The following CNTN5 variants were observed in gnomAD, a reference collection of about 807,000 sequenced individuals.
CNTN5 encodes contactin 5, also known as contactin-5.
In CNTN5, 77 loss-of-function variants were observed where a neutral mutation model predicts 129.1. The ratio of observed to expected loss-of-function variants is 0.60; its 90% CI spans 0.50 to 0.72. The LOEUF (loss-of-function observed/expected upper bound fraction) is 0.72, where lower values mean the gene tolerates loss of function less well. CNTN5 is among the 30% of genes least tolerant of loss of function. CNTN5 has a pLI of 0.00. For missense variants in CNTN5, 1,478 were observed against 1,328.8 expected (o/e 1.11, Z -1.75); for synonymous variants, 509 against 465.6 (o/e 1.09, Z -1.20).
intron 18 of CNTN5, among the ~76,000 whole-genome samples, chr11:100,291,223 A>G (rs1386123060): frequency 6.6e-6 from 1 of 150,934 alleles, no homozygotes; most frequent in East Asian, 2.0e-4. Flanking sequence ...ATCTAGAACT[A>G]GAAATACCAT....
intron 3 of CNTN5, among the ~76,000 whole-genome samples, chr11:99,568,227 T>C (rs4754632): frequency 1.3e-5 from 2 of 152,120 alleles, no homozygotes; most frequent in African/African-American, 4.8e-5. Context: ...GGACTAACCC[T>C]TTCTGGCAAG....
chr11:100,141,176 T>C (rs946473643), intron 13 of CNTN5, among the ~76,000 whole-genome samples: 1 of 151,520 alleles, frequency 6.6e-6, no homozygotes, highest in Admixed American at 6.6e-5. Flanking sequence ...GAATTCGGAG[T>C]CTAAAAAGGC....
intron 13 of CNTN5, among the ~76,000 whole-genome samples, chr11:100,133,353 G>T (rs1226812347): frequency 6.6e-6 from 1 of 152,014 alleles, no homozygotes; most frequent in Non-Finnish European, 1.5e-5. Flanking sequence ...CTGGCTAATG[G>T]GATTCATTTT....
At chr11:100,211,206 T>G (rs1284851958) in intron 15 of CNTN5, among the ~76,000 whole-genome samples, 1 of 152,152 alleles carries the variant, frequency 6.6e-6, no homozygotes, top group Non-Finnish European at 1.5e-5. Flanking sequence ...TGGTGGGTGA[T>G]GCCCACCAGT....
chr11:99,665,085 A>C (rs916247144), intron 3 of CNTN5, among the ~76,000 whole-genome samples: 3 of 152,204 alleles, frequency 2.0e-5, no homozygotes, highest in East Asian at 1.9e-4. Context: ...ATAGTTCGCT[A>C]TAAGAAGGAT....
chr11:99,663,683 C>A (rs753077610), intron 3 of CNTN5, among the ~76,000 whole-genome samples: 1 of 152,210 alleles, frequency 6.6e-6, no homozygotes, highest in African/African-American at 2.4e-5. Flanking sequence ...GGTTCTATAA[C>A]GAGCTCTTAC....
At chr11:99,277,348 A>T (rs1031574041) in intron 1 of CNTN5, among the ~76,000 whole-genome samples, 1 of 151,498 alleles carries the variant, frequency 6.6e-6, no homozygotes, top group Non-Finnish European at 1.5e-5. Context: ...ATCATTTCTC[A>T]GTTTGATGTC....
At chr11:99,701,171 T>C (rs1954502165) in intron 3 of CNTN5, among the ~76,000 whole-genome samples, 1 of 151,276 alleles carries the variant, frequency 6.6e-6, no homozygotes, top group South Asian at 2.1e-4. Context: ...CTTGTTCTTC[T>C]TCTTCAGTAG....
rs577290644 is a variant in CNTN5 at position 100,165,748 on chromosome 11, C to T, written c.1581-25378C>T. Among the ~76,000 whole-genome samples, 7 of 151,782 alleles carry T rather than the reference C, an allele frequency of 4.6e-5. No individual in the cohort carries two copies. In the South Asian group the frequency reaches 1.5e-3, roughly 31 times the overall value. ...TCTACAGTGCCATTAGGAATGATACCTAATGTTTATTTGATGCTTGTTTGG... is the reference window on the plus strand; with the variant it reads ...TCTACAGTGCCATTAGGAATGATACTTAATGTTTATTTGATGCTTGTTTGG... On this transcript the variant is annotated intron_variant, in intron 13 of 24. Transcript: ENST00000524871.
chr11:99,887,691 A>C (rs1230633738), intron 6 of CNTN5, among the ~76,000 whole-genome samples: 1 of 152,254 alleles, frequency 6.6e-6, no homozygotes, highest in Non-Finnish European at 1.5e-5. Flanking sequence ...CTGGCAAATC[A>C]CTGGTGTAAG....
chr11:100,149,346 A>ATTAAG (rs1295701840), intron 13 of CNTN5, among the ~76,000 whole-genome samples: 2 of 152,176 alleles, frequency 1.3e-5, no homozygotes, highest in Non-Finnish European at 2.9e-5. Flanking sequence ...TTAAATATCA[A>ATTAAG]TTAAGTTTAT....
chr11:100,215,646 C>A (rs1353926859), intron 15 of CNTN5, among the ~76,000 whole-genome samples: 1 of 151,844 alleles, frequency 6.6e-6, no homozygotes, highest in African/African-American at 2.4e-5. Context: ...ATAATGGAAA[C>A]AGGAAAGAAT....
intron 13 of CNTN5, among the ~76,000 whole-genome samples, chr11:100,092,129 G>A (rs1474237725): frequency 6.6e-6 from 1 of 152,010 alleles, no homozygotes; most frequent in East Asian, 1.9e-4. Flanking sequence ...AATTGAATCA[G>A]AAGGTTGTAA....
chr11:99,919,156 G>T (rs7952312), intron 7 of CNTN5, among the ~76,000 whole-genome samples: 77,492 of 151,982 alleles, frequency 0.51, 20,477 homozygotes, highest in African/African-American at 0.66. Flanking sequence ...GAGAAATCCT[G>T]TCTTTACGTG....
chr11:99,139,533 A>T (rs1859410774), intron 1 of CNTN5, among the ~76,000 whole-genome samples: 1 of 152,250 alleles, frequency 6.6e-6, no homozygotes, highest in Non-Finnish European at 1.5e-5. Context: ...CGAGCCGTTC[A>T]TTAAACATTA....
At chr11:99,797,622 C>CT (rs1945986273) in intron 3 of CNTN5, among the ~76,000 whole-genome samples, 2 of 151,890 alleles carry the variant, frequency 1.3e-5, no homozygotes, top group Non-Finnish European at 2.9e-5. Flanking sequence ...TTGTAATGGG[C>CT]TTATTTGTTT....
At chr11:99,463,437 C>CAAAA (rs1378225524) in intron 2 of CNTN5, among the ~76,000 whole-genome samples, 8 of 6,402 alleles carry the variant, frequency 1.2e-3, no homozygotes, top group African/African-American at 1.9e-3. Flanking sequence ...GACTCTGTCT[C>CAAAA]AAAAAGAAAA....
At chr11:100,297,750 T>A in intron 19 of CNTN5, 55 bp downstream of exon 19, 1 of 1,287,070 alleles carries the variant, frequency 7.8e-7, no homozygotes, top group South Asian at 1.3e-5. Flanking sequence ...TGGCTTAGTG[T>A]GATATTTAAT....
At chr11:99,669,262 A>C (rs1952930843) in intron 3 of CNTN5, among the ~76,000 whole-genome samples, 2 of 152,268 alleles carry the variant, frequency 1.3e-5, no homozygotes, top group African/African-American at 2.4e-5. Context: ...AGATGAGAAA[A>C]GCTATAAAAG....
Sources: allele counts gnomAD v4.1 joint callset (sites outside exome capture counted in the v4.1 genomes callset), GRCh38; gene constraint gnomAD v4.1.1; transcripts MANE v1.5; gene names NCBI Gene and HGNC (gene_info 2026-07-23, HGNC 2026-07-21).